Variants in HHIP observed in about 807,000 individuals in gnomAD.
HHIP encodes hedgehog interacting protein.
In HHIP, 12 loss-of-function variants were observed where a neutral mutation model predicts 74.0. That is an observed-to-expected ratio of 0.16 (90% CI 0.10 to 0.26). The LOEUF (loss-of-function observed/expected upper bound fraction) is 0.26. Among genes scored for constraint, HHIP ranks in the 10% least tolerant of loss-of-function variants. The pLI, the probability that HHIP is intolerant of heterozygous loss-of-function variation, is 1.00. For missense variants in HHIP, 788 were observed against 845.0 expected, an observed-to-expected ratio of 0.93 and a Z score of 0.84; for synonymous variants, 309 against 311.6, an observed-to-expected ratio of 0.99 and a Z score of 0.09.
chr4:144,715,213 G>A (rs1368012530), intron 9 of HHIP, 87 bp from the exon 10 acceptor site: 7 of 1,302,810 alleles, frequency 5.4e-6, no homozygotes, highest in Non-Finnish European at 7.5e-6. Context: ...GCAATTGTTT[G>A]TTATGAATTT....
At chr4:144,676,035 G>A (rs1278545765) in intron 4 of HHIP, among the ~76,000 whole-genome samples, 1 of 152,140 alleles carries the variant, frequency 6.6e-6, no homozygotes, top group African/African-American at 2.4e-5. Flanking sequence ...GCTCAAGAGT[G>A]TACGTAAACA....
Position 144,658,922 on chromosome 4 carries a change from A to G in HHIP, c.605A>G (p.Tyr202Cys). The change falls in exon 3 of 13, where the codon TAT becomes TGT. Residue 202 changes from tyrosine (Y) to cysteine (C), a missense_variant. By Grantham distance (194) the Tyr-to-Cys change is radical. Transcript: ENST00000296575. ...AACTACTTGGACCAGATGGAAGAAT[A>G]TGACAAAGTGGAAGAGATCAGCAGG... The part of the protein sequence containing the change: ...ASNYLDQMEE[Y>C]DKVEEISRKH... 6.2e-7 allele frequency: 1 copy of G among 1,612,886 alleles called. No homozygotes were observed. Among genetic ancestry groups the G allele is most frequent in the Non-Finnish European group, 8.5e-7 (1 of 1,179,330 alleles).
intron 11 of HHIP, among the ~76,000 whole-genome samples, chr4:144,724,567 T>C (rs1730737639): frequency 1.3e-5 from 2 of 150,932 alleles, no homozygotes; most frequent in African/African-American, 2.4e-5. Flanking sequence ...TGTTGTGAAA[T>C]GACTGAGTCA....
At chr4:144,672,173 T>C (rs1729056665) in intron 4 of HHIP, among the ~76,000 whole-genome samples, 1 of 152,170 alleles carries the variant, frequency 6.6e-6, no homozygotes, top group African/African-American at 2.4e-5. Context: ...CTTTGCTTTA[T>C]TTTGATTTTT....
intron 1 of HHIP, chr4:144,647,274 A>C: frequency 3.7e-6 from 1 of 269,248 alleles, no homozygotes; most frequent in Non-Finnish European, 6.9e-6. Flanking sequence ...TTTGGATCGA[A>C]TGGGGCATTG....
rs1731250488 is a variant in HHIP, at chr4:144,741,049, G to C, written c.*3092G>C. The C allele has an allele frequency of 6.6e-6, 1 of 152,088 alleles. No individual in the cohort carries two copies. Among genetic ancestry groups the C allele is most frequent in the Non-Finnish European group, 1.5e-5 (1 of 68,004 alleles). 9.4% of individuals were successfully genotyped at this position (152,088 alleles called of 1,614,324 possible). A position where few individuals can be genotyped will look rare whatever the true frequency, so the allele number is the denominator to read the frequency against. ...TTGGCAGATCTTTAAGTGAAAGAGA[G>C]AAAAAATTTAAGAAATTGAGTGATG... On this transcript the variant is annotated 3_prime_UTR_variant, in exon 13 of 13. Coordinates refer to ENST00000296575, the MANE Select transcript of HHIP (RefSeq NM_022475.3).
At chr4:144,668,815 A>T (rs978047873) in intron 4 of HHIP, among the ~76,000 whole-genome samples, 1 of 152,038 alleles carries the variant, frequency 6.6e-6, no homozygotes, top group African/African-American at 2.4e-5. Flanking sequence ...TATCTCTCAA[A>T]CCTCAGGCTA....
intron 4 of HHIP, 34 bp downstream of exon 4, chr4:144,659,872 G>C (rs768167011): frequency 6.7e-7 from 1 of 1,495,400 alleles, no homozygotes; most frequent in South Asian, 1.1e-5. Flanking sequence ...TTTTTGTGCT[G>C]GCTACGTTAA....
chr4:144,664,531 G>A (rs193244679), intron 4 of HHIP, among the ~76,000 whole-genome samples: 86 of 152,264 alleles, frequency 5.6e-4, no homozygotes, highest in Admixed American at 3.4e-3. Flanking sequence ...CCCATGAAGC[G>A]TTAGTGTATT....
intron 2 of HHIP, among the ~76,000 whole-genome samples, chr4:144,655,582 C>G (rs1221107517): frequency 3.3e-5 from 5 of 152,144 alleles, no homozygotes; most frequent in African/African-American, 1.2e-4. Context: ...TTTGATTCAA[C>G]TGAATTTTCT....
At position 144,712,746 on chromosome 4, in the gene HHIP, T is replaced by C. The variant is rs115528274; in HGVS notation, c.1423+675T>C. On this transcript the variant is annotated intron_variant, in intron 8 of 12. Coordinates refer to ENST00000296575, the MANE Select transcript of HHIP (RefSeq NM_022475.3). Reference sequence around the variant, plus strand: ...AGCAATATATCAACCATTATTATGATTCAGGAAACACAGTAGATTAAGATT... The same window carrying C: ...AGCAATATATCAACCATTATTATGACTCAGGAAACACAGTAGATTAAGATT... Among the ~76,000 whole-genome samples, 123 of 152,266 alleles carry C rather than the reference T, an allele frequency of 8.1e-4. 2 individuals are homozygous for C. Among genetic ancestry groups the C allele is most frequent in the Non-Finnish European group, 1.1e-3 (76 of 68,000 alleles).
intron 4 of HHIP, among the ~76,000 whole-genome samples, chr4:144,689,103 A>C (rs1371836302): frequency 2.0e-5 from 3 of 152,244 alleles, no homozygotes; most frequent in Non-Finnish European, 4.4e-5. Flanking sequence ...ATCTATAGCA[A>C]TTAAACTATA....
intron 4 of HHIP, among the ~76,000 whole-genome samples, chr4:144,705,871 G>A (rs1055754519): frequency 1.1e-4 from 17 of 152,012 alleles, no homozygotes; most frequent in Non-Finnish European, 2.4e-4. Context: ...TGGCCTTTAG[G>A]CATCCTCTGG....
chr4:144,699,752 C>CT (rs1003076168), intron 4 of HHIP, among the ~76,000 whole-genome samples: 32 of 146,780 alleles, frequency 2.2e-4, no homozygotes, highest in Admixed American at 4.8e-4. Flanking sequence ...AAAGAACAAA[C>CT]TTTTTTTTTT....
At chr4:144,691,034 C>G (rs1729646798) in intron 4 of HHIP, among the ~76,000 whole-genome samples, 1 of 152,138 alleles carries the variant, frequency 6.6e-6, no homozygotes, top group South Asian at 2.1e-4. Flanking sequence ...ATTCCTACTT[C>G]AAGACTGTTT....
chr4:144,723,155 T>C (rs866012304), intron 11 of HHIP, among the ~76,000 whole-genome samples: 2 of 152,196 alleles, frequency 1.3e-5, no homozygotes, highest in African/African-American at 4.8e-5. Context: ...GATTTAATTA[T>C]TATGTACCCA....
At chr4:144,729,427 A>C (rs1416915992) in intron 11 of HHIP, among the ~76,000 whole-genome samples, 1 of 152,176 alleles carries the variant, frequency 6.6e-6, no homozygotes, top group Non-Finnish European at 1.5e-5. Context: ...GAATACACTA[A>C]TTAATGGCCA....
chr4:144,673,368 T>C (rs188635442), intron 4 of HHIP, among the ~76,000 whole-genome samples: 1 of 152,366 alleles, frequency 6.6e-6, no homozygotes, highest in East Asian at 1.9e-4. Context: ...CAACATAGGA[T>C]ATTTCATGGG....
intron 4 of HHIP, among the ~76,000 whole-genome samples, chr4:144,674,282 A>G (rs1195310832): frequency 6.6e-6 from 1 of 152,222 alleles, no homozygotes; most frequent in Non-Finnish European, 1.5e-5. Context: ...CAATGAACAC[A>G]TATTTTAACT....
Sources: allele counts gnomAD v4.1 joint callset (sites outside exome capture counted in the v4.1 genomes callset), GRCh38; gene constraint gnomAD v4.1.1; transcripts MANE v1.5; gene names NCBI Gene and HGNC (gene_info 2026-07-23, HGNC 2026-07-21).